Variants in ST8SIA1 observed in about 807,000 individuals in gnomAD.
ST8SIA1 encodes the protein alpha-N-acetylneuraminide alpha-2,8-sialyltransferase.
ST8SIA1 carries 16 observed loss-of-function variants against 35.9 expected under a neutral mutation model. The ratio of observed to expected loss-of-function variants is 0.45; its 90% CI spans 0.30 to 0.68. The LOEUF is 0.68. Ranked by LOEUF, ST8SIA1 falls within the 30% of genes least tolerant of loss-of-function variation. The pLI is 0.09. For missense variants in ST8SIA1, 383 were observed against 453.6 expected (o/e 0.84, Z 1.41); for synonymous variants, 170 against 169.6 (o/e 1.00, Z -0.02).
chr12:22,237,423 AT>A (rs909301579), intron 4 of ST8SIA1, among the ~76,000 whole-genome samples: 10 of 151,742 alleles, frequency 6.6e-5, no homozygotes, highest in Non-Finnish European at 7.4e-5. Flanking sequence ...TTTTTAAATA[AT>A]TTTTTTCCCC....
chr12:22,279,984 T>G (rs1018117016), intron 2 of ST8SIA1, among the ~76,000 whole-genome samples: 1 of 152,234 alleles, frequency 6.6e-6, no homozygotes, highest in Non-Finnish European at 1.5e-5. Flanking sequence ...AGAAGGAAGA[T>G]AGTGAATTGA....
Position 22,249,086 on chromosome 12 carries a change from A to T in ST8SIA1, c.504T>A (p.Pro168=). The T allele has an allele frequency of 6.2e-7, 1 of 1,612,366 alleles. No individual in the cohort carries two copies. The highest frequency in any genetic ancestry group is 8.5e-7 in the Non-Finnish European group (1 of 1,178,570). ...EANFVMRCNL[P]PLSSEYTKDV... is the part of the protein sequence containing the mutation. ...CCTTAGTGTATTCACTTGACAAAGG[A>T]GGGAGATTGCATCTAGAGAAACAAG... The change falls in exon 4 of 5, where the codon CCT becomes CCA. Residue 168 remains proline (P), a synonymous_variant. Transcript: ENST00000396037.
intron 4 of ST8SIA1, among the ~76,000 whole-genome samples, chr12:22,230,393 T>A (rs1053655369): frequency 2.6e-5 from 4 of 152,252 alleles, no homozygotes; most frequent in African/African-American, 9.6e-5. Flanking sequence ...AGAGTCTGTT[T>A]CCCATTAGTT....
chr12:22,223,422 G>T, intron 4 of ST8SIA1: 2 of 672,206 alleles, frequency 3.0e-6, no homozygotes, highest in Non-Finnish European at 3.7e-6. Context: ...GTATCTTCCT[G>T]TAGTCCAAAG....
chr12:22,316,544 AT>A (rs1866522180), intron 1 of ST8SIA1, among the ~76,000 whole-genome samples: 1 of 152,188 alleles, frequency 6.6e-6, no homozygotes, highest in Admixed American at 6.5e-5. Flanking sequence ...CCAGATGAAA[AT>A]GTTTTGGGCT....
chr12:22,257,244 C>T (rs1865737940), intron 2 of ST8SIA1, among the ~76,000 whole-genome samples: 1 of 151,964 alleles, frequency 6.6e-6, no homozygotes, highest in South Asian at 2.1e-4. Flanking sequence ...GACAGTCTCG[C>T]TTAGTCACCC....
intron 1 of ST8SIA1, among the ~76,000 whole-genome samples, chr12:22,330,203 T>C (rs952588483): frequency 5.3e-5 from 8 of 152,168 alleles, no homozygotes; most frequent in African/African-American, 1.9e-4. Context: ...CACCACCTCC[T>C]CTCTGAAACC....
chr12:22,221,521 G>A (rs531304959), intron 4 of ST8SIA1, among the ~76,000 whole-genome samples: 5 of 152,266 alleles, frequency 3.3e-5, no homozygotes, highest in African/African-American at 1.2e-4. Context: ...GAGGAGGTGA[G>A]AAGAAATGTC....
intron 1 of ST8SIA1, among the ~76,000 whole-genome samples, chr12:22,319,611 C>T (rs988102449): frequency 6.6e-6 from 1 of 152,184 alleles, no homozygotes; most frequent in African/African-American, 2.4e-5. Flanking sequence ...ACATATGGCC[C>T]TCAGCAGGGC....
intron 4 of ST8SIA1, among the ~76,000 whole-genome samples, chr12:22,239,933 C>A (rs1195539585): frequency 2.6e-5 from 4 of 152,028 alleles, no homozygotes; most frequent in Admixed American, 2.0e-4. Context: ...TAATTCACAC[C>A]ATTTGGTCTG....
rs1866819754 is a variant in ST8SIA1 at position 22,334,400 on chromosome 12, C to G, written c.-168G>C. 6 of 610,650 alleles carry G rather than the reference C, an allele frequency of 9.8e-6. No homozygotes were observed. The highest frequency in any genetic ancestry group is 1.4e-5 in the Non-Finnish European group (5 of 347,320). 37.8% of individuals were successfully genotyped at this position (610,650 alleles called of 1,614,324 possible). On this transcript the variant is annotated 5_prime_UTR_variant, in exon 1 of 5. Coordinates refer to ENST00000396037, the MANE Select transcript of ST8SIA1 (RefSeq NM_003034.4). ...GCCCCGTCGGCCCCAAAGGTCAGCG[C>G]AAGGATTTTTTCAAATGCAACTTTT...
chr12:22,323,673 C>T (rs1866634424), intron 1 of ST8SIA1, among the ~76,000 whole-genome samples: 1 of 152,118 alleles, frequency 6.6e-6, no homozygotes, highest in Admixed American at 6.5e-5. Flanking sequence ...TACTATGCAG[C>T]CATAAAAAGG....
chr12:22,334,068 T>C lies in ST8SIA1; in HGVS notation c.165A>G (p.Lys55=), dbSNP rs201581959. 5.6e-6 allele frequency: 9 copies of C among 1,613,882 alleles called. No homozygotes were observed. In the East Asian group the frequency reaches 6.7e-5, roughly 12 times the overall value. ...GTTGCAGCACCCCCTGCACGATCTC[T>C]TTCTCGTTGGGCAGCCGGTAGACGG... is the stretch of plus-strand genomic sequence containing the variant. The part of the protein sequence containing the change: ...IFPVYRLPNE[K]EIVQGVLQQG... Residue 55 remains lysine, a synonymous_variant, in exon 1 of 5, where the codon AAA becomes AAG. Coordinates refer to ENST00000396037, the MANE Select transcript of ST8SIA1 (RefSeq NM_003034.4).
At chr12:22,219,658 A>G (rs1307677009) in intron 4 of ST8SIA1, among the ~76,000 whole-genome samples, 1 of 152,186 alleles carries the variant, frequency 6.6e-6, no homozygotes, top group Non-Finnish European at 1.5e-5. Context: ...AATTATCATG[A>G]ACAAATCATT....
intron 1 of ST8SIA1, among the ~76,000 whole-genome samples, chr12:22,319,622 T>C (rs990832915): frequency 1.3e-5 from 2 of 152,194 alleles, no homozygotes; most frequent in African/African-American, 4.8e-5. Context: ...TCAGCAGGGC[T>C]GGGGGAAGAG....
chr12:22,331,362 T>C (rs1298113055), intron 1 of ST8SIA1, among the ~76,000 whole-genome samples: 1 of 152,232 alleles, frequency 6.6e-6, no homozygotes, highest in Non-Finnish European at 1.5e-5. Flanking sequence ...TAGTCACTCA[T>C]GAAATATTGT....
chr12:22,281,770 C>T (rs12818857), intron 2 of ST8SIA1, among the ~76,000 whole-genome samples: 22,224 of 149,462 alleles, frequency 0.15, 1,702 homozygotes, highest in Middle Eastern at 0.23. Flanking sequence ...ATTAGTTGAG[C>T]CCAGCATTCC....
intron 4 of ST8SIA1, among the ~76,000 whole-genome samples, chr12:22,235,970 A>G (rs1444340878): frequency 6.6e-6 from 1 of 152,140 alleles, no homozygotes; most frequent in Non-Finnish European, 1.5e-5. Flanking sequence ...GCATGGCTAC[A>G]TTAGAAATCT....
intron 4 of ST8SIA1, among the ~76,000 whole-genome samples, chr12:22,244,467 A>G (rs1434481246): frequency 6.6e-6 from 1 of 151,968 alleles, no homozygotes; most frequent in African/African-American, 2.4e-5. Flanking sequence ...TTTTATTTTA[A>G]ATAATTATTA....
Sources: allele counts gnomAD v4.1 joint callset (sites outside exome capture counted in the v4.1 genomes callset), GRCh38; gene constraint gnomAD v4.1.1; transcripts MANE v1.5; gene names NCBI Gene and HGNC (gene_info 2026-07-23, HGNC 2026-07-21).